POTEM: variants seen among roughly 807,000 people sequenced by gnomAD.
POTEM encodes POTE ankyrin domain family member M, also known as putative POTE ankyrin domain family member M.
For missense variants in POTEM, 24 were observed against 343.0 expected, an observed-to-expected ratio of 0.07 and a Z score of 7.35; for synonymous variants, 8 against 113.2, an observed-to-expected ratio of 0.07 and a Z score of 5.90.
rs567369007 is a variant in POTEM at position 18,999,492 on chromosome 14, G to A, written c.*827G>A. ...CACCACCATGGCCGAGCAGGAAATCGTGCGTGACATCACAGAGAAGCTGTG... is the reference window on the plus strand; with the variant it reads ...CACCACCATGGCCGAGCAGGAAATCATGCGTGACATCACAGAGAAGCTGTG... On this transcript the variant is annotated 3_prime_UTR_variant, in exon 11 of 11. Transcript: ENST00000547889. Among the ~76,000 whole-genome samples, 2 of 107,512 alleles carry A rather than the reference G, an allele frequency of 1.9e-5. No individual in the cohort carries two copies. Among genetic ancestry groups the A allele is most frequent in the South Asian group, 2.8e-4 (1 of 3,636 alleles). The allele number at this position is 107,512 out of a possible 152,430, so 70.5% of individuals were successfully genotyped here. A position where few individuals can be genotyped will look rare whatever the true frequency, so the allele number is the denominator to read the frequency against.
intron 6 of POTEM, among the ~76,000 whole-genome samples, chr14:18,981,828 T>A (rs1392681167): frequency 1.3e-5 from 2 of 151,956 alleles, no homozygotes; most frequent in Non-Finnish European, 2.9e-5. Context: ...GACTTTTTAA[T>A]ACTACAGAAA....
chr14:18,981,056 C>T (rs1381547252), intron 6 of POTEM, among the ~76,000 whole-genome samples: 1 of 151,950 alleles, frequency 6.6e-6, no homozygotes, highest in Non-Finnish European at 1.5e-5. Flanking sequence ...TGCTAGTATG[C>T]TACCTGATTG....
chr14:18,984,471 T>TG (rs1320178932), intron 6 of POTEM, among the ~76,000 whole-genome samples: 1 of 94,814 alleles, frequency 1.1e-5, no homozygotes, highest in Non-Finnish European at 2.0e-5. Context: ...ACAAAGATGA[T>TG]GTGCAAGACT....
intron 9 of POTEM, among the ~76,000 whole-genome samples, chr14:18,996,282 C>A (rs1209052440): frequency 6.7e-6 from 1 of 150,366 alleles, no homozygotes; most frequent in Admixed American, 6.6e-5. Flanking sequence ...TAATATTAGA[C>A]CCTGTCTTGT....
chr14:18,969,335 GTATATACATATATATACA>G (rs1890850378), intron 1 of POTEM, among the ~76,000 whole-genome samples: 1 of 76,968 alleles, frequency 1.3e-5, no homozygotes, highest in Non-Finnish European at 2.5e-5. Flanking sequence ...ATATATATAC[GTATATACATATATATACA>G]TGTGTATATA....
At chr14:18,994,637 CAT>C (rs1186888329) in intron 9 of POTEM, among the ~76,000 whole-genome samples, 288 of 20,318 alleles carry the variant, frequency 0.014, 3 homozygotes, top group African/African-American at 0.056. Context: ...CTGCAGTAAA[CAT>C]ATGTGTGCGG....
intron 1 of POTEM, among the ~76,000 whole-genome samples, chr14:18,969,452 G>A (rs1221569275): frequency 3.9e-5 from 4 of 103,804 alleles, no homozygotes; most frequent in East Asian, 2.6e-4. Flanking sequence ...GTGCGATCTC[G>A]GCTCACTGCA....
At chr14:18,969,197 A>G (rs1890838761) in intron 1 of POTEM, among the ~76,000 whole-genome samples, 1 of 134,164 alleles carries the variant, frequency 7.5e-6, no homozygotes, top group South Asian at 2.4e-4. Context: ...CAAAAATCAG[A>G]GTATAGATTA....
intron 9 of POTEM, among the ~76,000 whole-genome samples, chr14:18,996,163 T>C (rs1405399612): frequency 6.6e-6 from 1 of 151,920 alleles, no homozygotes; most frequent in Non-Finnish European, 1.5e-5. Flanking sequence ...AGTTTTATTC[T>C]TAATATGCAT....
At chr14:18,997,184 TTA>T (rs1891321576) in intron 10 of POTEM, 25 bp downstream of exon 10, 1 of 581,452 alleles carries the variant, frequency 1.7e-6, no homozygotes, top group Non-Finnish European at 3.1e-6. Flanking sequence ...TCAAATGTTT[TTA>T]TATGTGTATA....
At chr14:18,996,166 A>G (rs528201859) in intron 9 of POTEM, among the ~76,000 whole-genome samples, 69 of 151,798 alleles carry the variant, frequency 4.5e-4, no homozygotes, top group African/African-American at 1.6e-3. Flanking sequence ...TTTATTCTTA[A>G]TATGCATGAA....
intron 1 of POTEM, among the ~76,000 whole-genome samples, chr14:18,968,703 G>A (rs1219928477): frequency 2.0e-5 from 3 of 152,306 alleles, no homozygotes; most frequent in African/African-American, 7.2e-5. Context: ...GGCACCTGTA[G>A]TCCCAGCTAC....
rs1239016922 is a variant in POTEM at position 19,002,773 on chromosome 14, C to G, written c.*4108C>G. Among the ~76,000 whole-genome samples the G allele has an allele frequency of 6.6e-6, 1 of 152,230 alleles. No individual in the cohort carries two copies. Among genetic ancestry groups the G allele is most frequent in the African/African-American group, 2.4e-5 (1 of 41,422 alleles). Reference sequence around the variant, plus strand: ...GGCCACGCACCAGCCTGCACATTACCTCTCCATACTGCAGCCCTTTATATG... The same window carrying G: ...GGCCACGCACCAGCCTGCACATTACGTCTCCATACTGCAGCCCTTTATATG... On this transcript the variant is annotated 3_prime_UTR_variant, in exon 11 of 11. Transcript: ENST00000547889.
Position 19,000,161 on chromosome 14 carries a change from AGTTG to A in POTEM, c.*1502_*1505del, listed in dbSNP as rs1891359284. On this transcript the variant is annotated 3_prime_UTR_variant, in exon 11 of 11. Transcript: ENST00000547889. ...AAACTGGAATGGTGAAGGCGAGAGC[AGTTG>A]GTTGGAGTGAGCTTCCCCCAAAGTT... Among the ~76,000 whole-genome samples, 1 of 99,280 alleles carries A rather than the reference AGTTG, an allele frequency of 1.0e-5. No homozygotes were observed. Among genetic ancestry groups the A allele is most frequent in the Non-Finnish European group, 1.9e-5 (1 of 53,498 alleles). 65.1% of individuals were successfully genotyped at this position (99,280 alleles called of 152,430 possible).
chr14:18,969,311 ATATAT>A (rs1890845389), intron 1 of POTEM, among the ~76,000 whole-genome samples: 1 of 67,258 alleles, frequency 1.5e-5, no homozygotes, highest in Non-Finnish European at 2.7e-5. Flanking sequence ...ATATACGTAT[ATATAT>A]GTATATATAT....
chr14:18,999,355 T>A lies in POTEM; in HGVS notation c.*690T>A. 7.5e-6 allele frequency among the ~76,000 whole-genome samples: 1 copy of A among 133,612 alleles called. No homozygotes were observed. Among genetic ancestry groups the A allele is most frequent in the African/African-American group, 2.7e-5 (1 of 36,536 alleles). 87.7% of individuals were successfully genotyped at this position (133,612 alleles called of 152,430 possible). A position where few individuals can be genotyped will look rare whatever the true frequency, so the allele number is the denominator to read the frequency against. On this transcript the variant is annotated 3_prime_UTR_variant, in exon 11 of 11. Coordinates refer to ENST00000547889, the MANE Select transcript of POTEM (RefSeq NM_001145442.1). ...TCTGGTGACGGGGTCACCCACACTG[T>A]GCCCATCTATGAGGGGAATGCCCTC... is the stretch of plus-strand genomic sequence containing the variant.
chr14:18,969,382 C>CGTGTATATATATACATATAT (rs1594271458), intron 1 of POTEM, among the ~76,000 whole-genome samples: 12 of 64,664 alleles, frequency 1.9e-4, no homozygotes, highest in Non-Finnish European at 2.9e-4. Flanking sequence ...TATATATACA[C>CGTGTATATATATACATATAT]AAAATTTCTT....
At chr14:18,969,280 T>TGTA (rs1566537642) in intron 1 of POTEM, among the ~76,000 whole-genome samples, 5 of 131,954 alleles carry the variant, frequency 3.8e-5, no homozygotes. Flanking sequence ...TGCAGATATA[T>TGTA]ATACACATGT....
chr14:18,979,996 T>TA, intron 5 of POTEM, 78 bp from the exon 6 acceptor site: 1 of 1,198,096 alleles, frequency 8.3e-7, no homozygotes, highest in Non-Finnish European at 1.2e-6. Flanking sequence ...GAAATACTGT[T>TA]AAGAATTTCA....
Sources: allele counts gnomAD v4.1 joint callset (sites outside exome capture counted in the v4.1 genomes callset), GRCh38; gene constraint gnomAD v4.1.1; transcripts MANE v1.5; gene names NCBI Gene and HGNC (gene_info 2026-07-23, HGNC 2026-07-21).